The following BTAF1 variants were observed in gnomAD, a reference collection of about 807,000 sequenced individuals.
BTAF1 encodes the protein TATA-binding protein-associated factor 172.
Under a neutral mutation model 227.1 loss-of-function variants are expected in BTAF1, and 38 were observed. The ratio of observed to expected loss-of-function variants is 0.17; its 90% CI spans 0.13 to 0.22. The LOEUF is 0.22. BTAF1 is among the 10% of genes least tolerant of loss of function. The pLI is 1.00. For missense variants in BTAF1, 1,598 were observed against 2,204.0 expected (o/e 0.73, Z 5.51); for synonymous variants, 742 against 751.9 (o/e 0.99, Z 0.21).
At chr10:91,957,759 T>C (rs1846201519) in intron 8 of BTAF1, among the ~76,000 whole-genome samples, 1 of 152,188 alleles carries the variant, frequency 6.6e-6, no homozygotes, top group African/African-American at 2.4e-5. Context: ...TCTGTTGGCC[T>C]CTGTGTAATT....
chr10:92,012,927 G>A (rs909176244), intron 30 of BTAF1, among the ~76,000 whole-genome samples: 3 of 152,218 alleles, frequency 2.0e-5, no homozygotes, highest in Non-Finnish European at 2.9e-5. Context: ...TTCAGACATC[G>A]GAAGAAGTTT....
intron 36 of BTAF1, among the ~76,000 whole-genome samples, 188 bp downstream of exon 36, chr10:92,026,939 A>G (rs1249762631): frequency 6.6e-6 from 1 of 152,178 alleles, no homozygotes; most frequent in Non-Finnish European, 1.5e-5. Context: ...GCACTTAGGA[A>G]AACCTGGATC....
intron 12 of BTAF1, among the ~76,000 whole-genome samples, chr10:91,963,794 A>G (rs986902497): frequency 8.5e-5 from 13 of 152,242 alleles, no homozygotes; most frequent in South Asian, 2.1e-4. Context: ...AGTTTTTTAC[A>G]TAAAATAGTT....
In BTAF1 at chr10:91,993,855, C is replaced by G. The variant is rs200019501; in HGVS notation, c.3199+8C>G. On this transcript the variant is annotated splice_region_variant and intron_variant, in intron 22 of 37. Transcript: ENST00000265990. ...TCGACATAAATAATTTTGGTATACA[C>G]ATATTTTTATGAGTCCAGTTTTTAA... 6.4e-7 allele frequency: 1 copy of G among 1,563,936 alleles called. No individual in the cohort carries two copies. The highest frequency in any genetic ancestry group is 8.7e-7 in the Non-Finnish European group (1 of 1,150,824).
intron 9 of BTAF1, chr10:91,959,365 T>C: frequency 9.7e-7 from 1 of 1,033,036 alleles, no homozygotes; most frequent in Non-Finnish European, 1.3e-6. Flanking sequence ...ATAATTGGTA[T>C]TGCCTGGAGA....
chr10:91,991,558 C>G (rs1848755777), intron 20 of BTAF1, among the ~76,000 whole-genome samples: 1 of 151,096 alleles, frequency 6.6e-6, no homozygotes, highest in African/African-American at 2.4e-5. Context: ...TGAGACCAGC[C>G]TGGGCAACAT....
intron 1 of BTAF1, among the ~76,000 whole-genome samples, chr10:91,928,861 C>G (rs1844063870): frequency 6.8e-6 from 1 of 147,008 alleles, no homozygotes; most frequent in South Asian, 2.2e-4. Flanking sequence ...GAGTCTCACT[C>G]TGTCCTCCAA....
At chr10:91,940,151 C>A in intron 3 of BTAF1, 85 bp downstream of exon 3, 245 of 723,656 alleles carry the variant, frequency 3.4e-4, no homozygotes, top group East Asian at 4.4e-4. Flanking sequence ...TTAATAATTT[C>A]AATTTTAAAG....
chr10:91,934,372 G>A lies in BTAF1; in HGVS notation c.15-1285G>A, dbSNP rs374199238. Among the ~76,000 whole-genome samples the A allele has an allele frequency of 7.2e-5, 11 of 152,052 alleles. No homozygotes were observed. In the East Asian group the frequency reaches 2.1e-3, roughly 29 times the overall value. On this transcript the variant is annotated intron_variant, in intron 1 of 37. Transcript: ENST00000265990. ...CTGCCTCAGCCTCCCTAGTAGCCGG[G>A]ACTACAGGTGGATGCCACTACACCT...
chr10:91,995,151 T>C (rs1252877116), intron 23 of BTAF1, among the ~76,000 whole-genome samples: 3 of 152,042 alleles, frequency 2.0e-5, no homozygotes, highest in Non-Finnish European at 4.4e-5. Context: ...AGGAGGAAAA[T>C]AGAGAATTAT....
intron 35 of BTAF1, 122 bp downstream of exon 35, chr10:92,025,089 C>T (rs1851403017): frequency 2.5e-6 from 2 of 800,598 alleles, no homozygotes; most frequent in African/African-American, 1.7e-5. Context: ...TTGTGTAATT[C>T]ACCCCAAATA....
At chr10:92,003,628 G>T (rs1426074355) in intron 25 of BTAF1, among the ~76,000 whole-genome samples, 1 of 152,124 alleles carries the variant, frequency 6.6e-6, no homozygotes, top group Non-Finnish European at 1.5e-5. Flanking sequence ...ATACACTACA[G>T]TTTCTTTATC....
intron 23 of BTAF1, 140 bp downstream of exon 23, chr10:91,994,784 C>T: frequency 1.5e-6 from 1 of 664,186 alleles, no homozygotes; most frequent in Non-Finnish European, 2.5e-6. Context: ...CTAGATTCCT[C>T]CTTTACTAAC....
At chr10:92,021,928 G>A (rs1212073704) in intron 34 of BTAF1, among the ~76,000 whole-genome samples, 1 of 152,074 alleles carries the variant, frequency 6.6e-6, no homozygotes, top group African/African-American at 2.4e-5. Flanking sequence ...TATGAGGAAT[G>A]ATTGAAAAAA....
chr10:92,025,443 T>A (rs2944728), intron 35 of BTAF1, among the ~76,000 whole-genome samples: 101,195 of 147,914 alleles, frequency 0.68, 37,341 homozygotes, highest in East Asian at 0.88. Context: ...CTTTTTTTTT[T>A]AAAAAAAAAA....
At chr10:92,024,337 T>G (rs930227360) in intron 34 of BTAF1, among the ~76,000 whole-genome samples, 1 of 152,134 alleles carries the variant, frequency 6.6e-6, no homozygotes, top group Admixed American at 6.5e-5. Flanking sequence ...CAATAAACAT[T>G]TATTGAGGCT....
Position 91,989,372 on chromosome 10 carries a change from G to C in BTAF1, c.2646G>C (p.Met882Ile), listed in dbSNP as rs746009618. The change falls in exon 20 of 38, where the codon ATG becomes ATC. Residue 882 changes from methionine (M) to isoleucine (I), a missense_variant. Met to Ile is a conservative substitution (Grantham distance 10). Around this residue, in one of 10 missense-constraint regions of BTAF1, gnomAD observed 425 missense variants for 491.2 expected, o/e 0.87. Coordinates refer to ENST00000265990, the MANE Select transcript of BTAF1 (RefSeq NM_003972.3). ...TAAATCCTATCATAAAACCATTAATGGAGACAATTAAAAAAGAAGAGAATA... is the reference window on the plus strand; with the variant it reads ...TAAATCCTATCATAAAACCATTAATCGAGACAATTAAAAAAGAAGAGAATA... ...EKLNPIIKPL[M>I]ETIKKEENTL... 1.5e-5 allele frequency: 25 copies of C among 1,613,982 alleles called. No individual in the cohort carries two copies. The Admixed American group carries it at 4.2e-4, about 27-fold the overall frequency.
chr10:91,962,558 G>T lies in BTAF1; in HGVS notation c.1284G>T (p.Leu428Phe). The change falls in exon 12 of 38, where the codon TTG becomes TTT. Residue 428 changes from leucine to phenylalanine, a missense_variant. Leu to Phe is a conservative substitution (Grantham distance 22, BLOSUM62 0). This residue lies in a region of BTAF1 where 52 missense variants were observed against 72.4 expected (regional missense o/e 0.72). Transcript: ENST00000265990. ...TACAGGATGTAATTAATACTTTATT[G>T]CCTAAAGTTTTAACTAGAATAATTG... The part of the protein sequence containing the change: ...AVRQDVINTL[L>F]PKVLTRIIEG... 1 of 1,561,962 alleles carries T rather than the reference G, an allele frequency of 6.4e-7. No individual in the cohort carries two copies. The highest frequency in any genetic ancestry group is 8.8e-7 in the Non-Finnish European group (1 of 1,138,186).
chr10:91,999,401 T>C (rs575652282), intron 25 of BTAF1, among the ~76,000 whole-genome samples: 44 of 152,160 alleles, frequency 2.9e-4, no homozygotes, highest in Non-Finnish European at 5.6e-4. Flanking sequence ...TTCAAGACTT[T>C]TTTTTTTTGA....
Sources: gnomAD v4.1 joint callset for allele counts (sites outside exome capture counted in the v4.1 genomes callset) on GRCh38, gnomAD v4.1.1 for gene constraint, gnomAD v4.1.1 regional missense constraint, MANE v1.5 for transcripts, NCBI Gene and HGNC (gene_info 2026-07-23, HGNC 2026-07-21) for gene names.